The following DOCK5 variants were observed in gnomAD, a reference collection of about 807,000 sequenced individuals.
The protein encoded by DOCK5 is dedicator of cytokinesis protein 5.
A neutral mutation model predicts 251.8 loss-of-function variants in DOCK5; 142 were observed. The ratio of observed to expected loss-of-function variants is 0.56; its 90% CI spans 0.49 to 0.65. The LOEUF (loss-of-function observed/expected upper bound fraction) is 0.65, where lower values mean the gene tolerates loss of function less well. Ranked by LOEUF, DOCK5 falls within the 30% of genes least tolerant of loss-of-function variation. DOCK5 has a pLI of 0.00. For synonymous variants in DOCK5, 842 were observed against 835.5 expected, an observed-to-expected ratio of 1.01 and a Z score of -0.13; for missense variants, 2,111 against 2,312.3, an observed-to-expected ratio of 0.91 and a Z score of 1.79.
At chr8:25,215,921 C>T (rs1271617439) in intron 1 of DOCK5, among the ~76,000 whole-genome samples, 4 of 141,550 alleles carry the variant, frequency 2.8e-5, no homozygotes, top group African/African-American at 1.1e-4. Context: ...TTTTCAAATC[C>T]TGGAAATAAA....
At chr8:25,252,662 G>A (rs1444872110) in intron 2 of DOCK5, among the ~76,000 whole-genome samples, 1 of 152,186 alleles carries the variant, frequency 6.6e-6, no homozygotes, top group Non-Finnish European at 1.5e-5. Flanking sequence ...TTCCTGAGAT[G>A]TGTTTTTCAA....
At chr8:25,268,258 C>T (rs1230589642) in intron 2 of DOCK5, among the ~76,000 whole-genome samples, 2 of 152,068 alleles carry the variant, frequency 1.3e-5, no homozygotes, top group South Asian at 2.1e-4. Flanking sequence ...TTGCTTTTAG[C>T]ATTACCAAGA....
intron 42 of DOCK5, among the ~76,000 whole-genome samples, chr8:25,391,619 C>T (rs888365404): frequency 2.0e-5 from 3 of 151,846 alleles, no homozygotes; most frequent in Admixed American, 6.6e-5. Flanking sequence ...GCCTGGGTGA[C>T]AGAGTTAGAC....
intron 1 of DOCK5, among the ~76,000 whole-genome samples, chr8:25,197,272 T>G (rs914363025): frequency 6.6e-6 from 1 of 152,120 alleles, no homozygotes; most frequent in African/African-American, 2.4e-5. Flanking sequence ...GATGAGCACG[T>G]TAATTGTGTT....
chr8:25,364,042 G>A (rs926200357), intron 29 of DOCK5, among the ~76,000 whole-genome samples: 1 of 152,174 alleles, frequency 6.6e-6, no homozygotes, highest in Non-Finnish European at 1.5e-5. Flanking sequence ...CAGAAACTGT[G>A]TCTTTCAACA....
chr8:25,302,577 C>G, intron 10 of DOCK5, 123 bp downstream of exon 10: 2 of 1,278,122 alleles, frequency 1.6e-6, no homozygotes, highest in Non-Finnish European at 2.1e-6. Context: ...TCAAAACAAT[C>G]AAAAGCAAGG....
chr8:25,284,012 A>G (rs893600066), intron 5 of DOCK5, among the ~76,000 whole-genome samples: 1 of 152,168 alleles, frequency 6.6e-6, no homozygotes, highest in Non-Finnish European at 1.5e-5. Flanking sequence ...CTAGTTCTTA[A>G]GTTCTGGCTT....
intron 26 of DOCK5, among the ~76,000 whole-genome samples, chr8:25,351,128 G>C (rs1378600155): frequency 2.0e-5 from 3 of 152,056 alleles, no homozygotes; most frequent in Non-Finnish European, 4.4e-5. Flanking sequence ...CGTGATCTCA[G>C]CTCACTGCAA....
intron 22 of DOCK5, among the ~76,000 whole-genome samples, chr8:25,337,664 C>T (rs759845989): frequency 6.7e-6 from 1 of 150,092 alleles, no homozygotes; most frequent in African/African-American, 2.5e-5. Context: ...TGGCTCACTG[C>T]AGCCTCCACC....
chr8:25,387,864 C>T (rs554564039), intron 40 of DOCK5, among the ~76,000 whole-genome samples: 16 of 152,240 alleles, frequency 1.1e-4, no homozygotes, highest in Admixed American at 3.9e-4. Flanking sequence ...TCTTTCCAGT[C>T]GAGCTAATTC....
rs952028768 is a variant in DOCK5 at position 25,395,893 on chromosome 8, A to C, written c.4704+174A>C. 3.6e-6 allele frequency: 3 copies of C among 826,510 alleles called. No homozygotes were observed. In the Admixed American group the frequency reaches 6.1e-5, roughly 17 times the overall value. 51.2% of individuals were successfully genotyped at this position (826,510 alleles called of 1,614,324 possible). A position where few individuals can be genotyped will look rare whatever the true frequency, so the allele number is the denominator to read the frequency against. ...GATTGTCCCTGACTTCTTAGAGACT[A>C]TCAGCAACCCAGCTGGTATAGAACT... is the stretch of plus-strand genomic sequence containing the variant. On this transcript the variant is annotated intron_variant, in intron 45 of 51. Transcript: ENST00000276440.
intron 6 of DOCK5, among the ~76,000 whole-genome samples, chr8:25,295,104 AC>A (rs1388104512): frequency 1.3e-5 from 2 of 152,162 alleles, no homozygotes; most frequent in Non-Finnish European, 2.9e-5. Context: ...ACTGTATGCT[AC>A]ATATAGTATT....
chr8:25,216,191 A>G (rs1180950472), intron 1 of DOCK5, among the ~76,000 whole-genome samples: 10 of 146,308 alleles, frequency 6.8e-5, no homozygotes, highest in African/African-American at 2.5e-4. Flanking sequence ...CAATATGTAT[A>G]TATGTATACA....
intron 3 of DOCK5, among the ~76,000 whole-genome samples, chr8:25,273,938 C>T (rs1334940959): frequency 6.6e-6 from 1 of 152,132 alleles, no homozygotes; most frequent in Non-Finnish European, 1.5e-5. Flanking sequence ...CACTCATATT[C>T]CCCACGCCTG....
chr8:25,409,936 G>A lies in DOCK5; in HGVS notation c.5405-163G>A, dbSNP rs1053724515. The A allele has an allele frequency of 5.0e-6, 3 of 600,332 alleles. No individual in the cohort carries two copies. The Admixed American group carries it at 8.9e-5, about 18-fold the overall frequency. The allele number at this position is 600,332 out of a possible 1,614,324, so 37.2% of individuals were successfully genotyped here. On this transcript the variant is annotated intron_variant, in intron 50 of 51. Transcript: ENST00000276440. ...CTGGCGAGGGCGTCACCTGTGTGATGTGGGGTAAGAAGTCTTCTTCGTTCT... is the reference window on the plus strand; with the variant it reads ...CTGGCGAGGGCGTCACCTGTGTGATATGGGGTAAGAAGTCTTCTTCGTTCT...
intron 2 of DOCK5, among the ~76,000 whole-genome samples, chr8:25,260,788 C>G (rs1397620788): frequency 2.0e-5 from 3 of 150,794 alleles, no homozygotes; most frequent in Admixed American, 6.6e-5. Flanking sequence ...AATTTTCTTT[C>G]TTTCTTTCTT....
chr8:25,336,832 A>G (rs1368051358), intron 22 of DOCK5, among the ~76,000 whole-genome samples: 2 of 152,204 alleles, frequency 1.3e-5, no homozygotes, highest in Non-Finnish European at 2.9e-5. Flanking sequence ...CTAGCATAAC[A>G]GTTCCATCAA....
chr8:25,350,531 A>T (rs1315361869), intron 26 of DOCK5, among the ~76,000 whole-genome samples: 1 of 152,240 alleles, frequency 6.6e-6, no homozygotes, highest in African/African-American at 2.4e-5. Context: ...GTCACACATG[A>T]CACAGTCAGA....
chr8:25,407,619 C>CTT (rs1801544686), intron 48 of DOCK5, among the ~76,000 whole-genome samples: 1 of 152,194 alleles, frequency 6.6e-6, no homozygotes, highest in Admixed American at 6.5e-5. Context: ...CGCCTCTAGC[C>CTT]TTAGCACTTT....
Sources: allele counts gnomAD v4.1 joint callset (sites outside exome capture counted in the v4.1 genomes callset), GRCh38; gene constraint gnomAD v4.1.1; transcripts MANE v1.5; gene names NCBI Gene and HGNC (gene_info 2026-07-23, HGNC 2026-07-21).